The following CCDC171 variants were observed in gnomAD, a reference collection of about 807,000 sequenced individuals.
CCDC171 encodes coiled-coil domain-containing protein 171.
CCDC171 carries 177 observed loss-of-function variants against 168.2 expected under a neutral mutation model. The ratio of observed to expected loss-of-function variants is 1.05; its 90% CI spans 0.93 to 1.19. The LOEUF is 1.19. Ranked by LOEUF, CCDC171 falls within the 50% of genes most tolerant of loss-of-function variation. The probability of loss-of-function intolerance (pLI) is 0.00; values close to 1 mark genes in which losing one functional copy is unlikely to be tolerated. For synonymous variants in CCDC171, 687 were observed against 540.8 expected (o/e 1.27, Z -3.75); for missense variants, 1,991 against 1,539.0 (o/e 1.29, Z -4.91).
At chr9:15,697,706 C>T (rs1339290365) in intron 11 of CCDC171, among the ~76,000 whole-genome samples, 1 of 152,052 alleles carries the variant, frequency 6.6e-6, no homozygotes, top group Non-Finnish European at 1.5e-5. Flanking sequence ...TACATTATTG[C>T]CAAAAAATGC....
chr9:15,714,766 T>C (rs1421980756), intron 11 of CCDC171, among the ~76,000 whole-genome samples: 2 of 152,220 alleles, frequency 1.3e-5, no homozygotes, highest in East Asian at 3.8e-4. Flanking sequence ...ATTTGAGGAC[T>C]AATTCTTCCT....
intron 24 of CCDC171, among the ~76,000 whole-genome samples, chr9:15,898,142 G>C (rs1341194627): frequency 1.3e-5 from 2 of 152,108 alleles, no homozygotes; most frequent in South Asian, 2.1e-4. Flanking sequence ...TTATAACCAG[G>C]GTCCAGGCAA....
At chr9:16,046,084 T>C (rs955044666) in intron 1 of CCDC171, among the ~76,000 whole-genome samples, 1 of 152,222 alleles carries the variant, frequency 6.6e-6, no homozygotes, top group Admixed American at 6.5e-5. Context: ...GACACAGTTA[T>C]TGAGGGCAAA....
At chr9:15,835,080 A>G (rs1285966561) in intron 21 of CCDC171, among the ~76,000 whole-genome samples, 4 of 152,286 alleles carry the variant, frequency 2.6e-5, no homozygotes, top group Non-Finnish European at 4.4e-5. Context: ...AAAACAGGCA[A>G]CTTTAATTGG....
At chr9:15,714,615 T>C (rs1291803500) in intron 11 of CCDC171, among the ~76,000 whole-genome samples, 1 of 152,170 alleles carries the variant, frequency 6.6e-6, no homozygotes, top group Non-Finnish European at 1.5e-5. Flanking sequence ...GTTACCCTGT[T>C]AGATGGTTGC....
chr9:15,774,486 G>A (rs993799674), intron 18 of CCDC171, among the ~76,000 whole-genome samples: 47 of 152,128 alleles, frequency 3.1e-4, no homozygotes, highest in African/African-American at 9.9e-4. Context: ...AGTGAAAAGG[G>A]AACACTTTAC....
chr9:15,647,929 G>A (rs2047182081), intron 7 of CCDC171, among the ~76,000 whole-genome samples: 1 of 152,206 alleles, frequency 6.6e-6, no homozygotes, highest in South Asian at 2.1e-4. Context: ...CCAAAGCCTG[G>A]CAGAGACACA....
At chr9:15,990,444 A>G (rs1446628274) in intron 3 of CCDC171, among the ~76,000 whole-genome samples, 2 of 152,230 alleles carry the variant, frequency 1.3e-5, no homozygotes. Context: ...ATGGAAAGGA[A>G]CAACCAGTAC....
intron 20 of CCDC171, among the ~76,000 whole-genome samples, chr9:15,781,901 G>C (rs1211341890): frequency 1.3e-5 from 2 of 152,038 alleles, no homozygotes; most frequent in Admixed American, 6.6e-5. Flanking sequence ...GGGGCTTTTG[G>C]AGCAGATAGA....
chr9:15,874,890 A>G (rs941931790), intron 24 of CCDC171: 4 of 343,158 alleles, frequency 1.2e-5, no homozygotes, highest in African/African-American at 2.1e-5. Flanking sequence ...TGTTTTTACC[A>G]AGGAAAAATG....
At chr9:15,678,118 C>T (rs1349174320) in intron 9 of CCDC171, among the ~76,000 whole-genome samples, 1 of 150,454 alleles carries the variant, frequency 6.6e-6, no homozygotes, top group Admixed American at 6.6e-5. Context: ...GTTTTGTTGC[C>T]CAGGCTGGTC....
Position 15,956,473 on chromosome 9 carries a change from C to T in CCDC171, c.3754-15136C>T, listed in dbSNP as rs1049740119. 4.6e-5 allele frequency among the ~76,000 whole-genome samples: 7 copies of T among 152,254 alleles called. 1 individual carries two copies. The South Asian group carries it at 1.5e-3, about 32-fold the overall frequency. ...TTTTGTGTGTGGCCTCTTTATCACA[C>T]AGCTTTACAAATGTAGGTTTCCGAA... is the stretch of plus-strand genomic sequence containing the variant. On this transcript the variant is annotated intron_variant, in intron 25 of 25. Coordinates refer to ENST00000380701, the MANE Select transcript of CCDC171 (RefSeq NM_173550.4).
chr9:15,745,574 C>T lies in CCDC171; in HGVS notation c.2614C>T (p.Leu872Phe). The change falls in exon 18 of 26, where the codon CTT (leucine) becomes TTT (phenylalanine). Residue 872 changes from leucine (L) to phenylalanine (F), a missense_variant. Coordinates refer to ENST00000380701, the MANE Select transcript of CCDC171 (RefSeq NM_173550.4). The stretch of plus-strand genomic sequence containing the variant: ...GCTCAGTTGGCTCACCAGTTCTGAC[C>T]TTCTTGCTGCAATAATCAGTTCTAT... ...QALSWLTSSD[L>F]LAAIISSMAE... 1.3e-6 allele frequency: 2 copies of T among 1,589,878 alleles called. No homozygotes were observed. Among genetic ancestry groups the T allele is most frequent in the South Asian group, 2.3e-5 (2 of 87,456 alleles).
intron 3 of CCDC171, among the ~76,000 whole-genome samples, chr9:15,995,209 T>G (rs1255036158): frequency 6.6e-6 from 1 of 152,184 alleles, no homozygotes; most frequent in Non-Finnish European, 1.5e-5. Flanking sequence ...TGAAGTAACA[T>G]TTGGGGGAAA....
At position 15,944,390 on chromosome 9, in the gene CCDC171, G is replaced by C. The variant is rs80095254; in HGVS notation, c.3753+23968G>C. ...GTCGATATATAGTTTTTGAGCCAGA[G>C]GGTTGCTAAAATGCTGTAAAAGGAA... On this transcript the variant is annotated intron_variant, in intron 25 of 25. Transcript: ENST00000380701. 1.3e-4 allele frequency among the ~76,000 whole-genome samples: 20 copies of C among 152,042 alleles called. No homozygotes were observed. The East Asian group carries it at 3.5e-3, about 27-fold the overall frequency.
chr9:16,014,137 C>G (rs1297985569), intron 3 of CCDC171, among the ~76,000 whole-genome samples: 1 of 152,228 alleles, frequency 6.6e-6, no homozygotes, highest in Non-Finnish European at 1.5e-5. Flanking sequence ...CTTGCCACTG[C>G]TTTAGCAAAT....
chr9:15,780,271 T>G (rs529210327), intron 20 of CCDC171, among the ~76,000 whole-genome samples: 1 of 152,314 alleles, frequency 6.6e-6, no homozygotes, highest in South Asian at 2.1e-4. Context: ...AATTTTTCCT[T>G]CTCTTAGTTT....
intron 24 of CCDC171, among the ~76,000 whole-genome samples, chr9:15,909,359 A>G (rs932984826): frequency 2.0e-5 from 3 of 151,964 alleles, no homozygotes; most frequent in Non-Finnish European, 4.4e-5. Context: ...TTCTCAGCTG[A>G]TAGCATTTTT....
At chr9:15,557,071 G>C (rs2038867640) in intron 1 of CCDC171, among the ~76,000 whole-genome samples, 1 of 152,130 alleles carries the variant, frequency 6.6e-6, no homozygotes, top group Non-Finnish European at 1.5e-5. Flanking sequence ...TATTATTTCT[G>C]AGGGCTCTAT....
Sources: allele counts gnomAD v4.1 joint callset (sites outside exome capture counted in the v4.1 genomes callset), GRCh38; gene constraint gnomAD v4.1.1; transcripts MANE v1.5; gene names NCBI Gene and HGNC (gene_info 2026-07-23, HGNC 2026-07-21).